EFCAB6: variants seen among roughly 807,000 people sequenced by gnomAD.
EFCAB6 encodes EF-hand calcium-binding domain-containing protein 6.
EFCAB6 carries 156 observed loss-of-function variants against 169.8 expected under a neutral mutation model. The ratio of observed to expected loss-of-function variants is 0.92; its 90% CI spans 0.81 to 1.05. EFCAB6 has a LOEUF of 1.05. Ranked by LOEUF, EFCAB6 falls within the 50% of genes least tolerant of loss-of-function variation. EFCAB6 has a pLI of 0.00. For synonymous variants in EFCAB6, 698 were observed against 676.4 expected (o/e 1.03, Z -0.50); for missense variants, 1,800 against 1,829.1 (o/e 0.98, Z 0.29).
At chr22:43,622,856 G>A (rs1335816969) in intron 20 of EFCAB6, among the ~76,000 whole-genome samples, 7 of 152,098 alleles carry the variant, frequency 4.6e-5, no homozygotes, top group Admixed American at 2.6e-4. Context: ...GTTTTCTTGC[G>A]GCAGTGCCCA....
chr22:43,741,894 T>C (rs1044214839), intron 6 of EFCAB6, among the ~76,000 whole-genome samples: 54 of 152,270 alleles, frequency 3.5e-4, no homozygotes, highest in African/African-American at 1.2e-3. Flanking sequence ...AGGGGAGACC[T>C]GGTCCCTGCT....
intron 1 of EFCAB6, among the ~76,000 whole-genome samples, chr22:43,811,888 C>T (rs1457807505): frequency 6.6e-6 from 1 of 152,154 alleles, no homozygotes; most frequent in Non-Finnish European, 1.5e-5. Flanking sequence ...GGGAAGAAGA[C>T]GTCACCACCG....
At chr22:43,775,687 A>G (rs995948020) in intron 3 of EFCAB6, among the ~76,000 whole-genome samples, 2 of 151,984 alleles carry the variant, frequency 1.3e-5, no homozygotes, top group African/African-American at 4.8e-5. Flanking sequence ...CAGGTGATCC[A>G]CCCGCCTCGG....
intron 20 of EFCAB6, 45 bp downstream of exon 20, chr22:43,626,402 C>A: frequency 6.4e-7 from 1 of 1,572,272 alleles, no homozygotes; most frequent in South Asian, 1.1e-5. Flanking sequence ...CACAGTGGCA[C>A]GGGCCGGCAT....
At chr22:43,791,987 C>A (rs1044737933) in intron 2 of EFCAB6, among the ~76,000 whole-genome samples, 4 of 152,096 alleles carry the variant, frequency 2.6e-5, no homozygotes, top group African/African-American at 9.7e-5. Flanking sequence ...GAGATGGGAT[C>A]CCATGGACAA....
chr22:43,676,896 C>A (rs1162958731), intron 13 of EFCAB6, among the ~76,000 whole-genome samples: 1 of 152,142 alleles, frequency 6.6e-6, no homozygotes. Context: ...TCAGCTAAAC[C>A]ATCTTAAAGC....
Position 43,678,089 on chromosome 22 carries a change from T to C in EFCAB6, c.1326A>G (p.Ser442=), listed in dbSNP as rs777846421. The C allele has an allele frequency of 1.2e-6, 2 of 1,613,974 alleles. No homozygotes were observed. The highest frequency in any genetic ancestry group is 1.7e-6 in the Non-Finnish European group (2 of 1,179,990). ...LNCMAVKLSD[S]EFKELMQMLD... ...GCATTTGCATTAGTTCTTTGAATTC[T>C]GAATCGCTTAGTTTTACAGCCATGC... The change falls in exon 13 of 32, where the codon TCA becomes TCG. Residue 442 remains serine, a synonymous_variant. Transcript: ENST00000262726.
At chr22:43,639,053 G>A (rs184320946) in intron 17 of EFCAB6, among the ~76,000 whole-genome samples, 1 of 149,298 alleles carries the variant, frequency 6.7e-6, no homozygotes, top group African/African-American at 2.5e-5. Context: ...CCAAAGTGCT[G>A]GGGTTGTCCT....
chr22:43,543,902 C>T (rs1268052214), intron 27 of EFCAB6, among the ~76,000 whole-genome samples: 1 of 152,142 alleles, frequency 6.6e-6, no homozygotes, highest in Non-Finnish European at 1.5e-5. Context: ...TCTGGCCTCT[C>T]CTAGTTCTAG....
At chr22:43,544,795 A>C (rs2047949597) in intron 27 of EFCAB6, among the ~76,000 whole-genome samples, 1 of 152,092 alleles carries the variant, frequency 6.6e-6, no homozygotes, top group African/African-American at 2.4e-5. Context: ...CAATACTCAA[A>C]GCAACAAAAT....
chr22:43,554,118 A>T (rs2048550876), intron 27 of EFCAB6: 1 of 152,364 alleles, frequency 6.6e-6, no homozygotes, highest in African/African-American at 2.4e-5. Flanking sequence ...TCTTTGGACC[A>T]TGTGGAGTCC....
chr22:43,665,499 G>A (rs1348641673), intron 17 of EFCAB6, among the ~76,000 whole-genome samples: 2 of 152,202 alleles, frequency 1.3e-5, no homozygotes, highest in Non-Finnish European at 1.5e-5. Context: ...TAAGAATCAA[G>A]AATGCAGAGA....
chr22:43,576,470 T>C lies in EFCAB6; in HGVS notation c.3247A>G (p.Lys1083Glu), dbSNP rs528049706. 7.8e-6 allele frequency: 12 copies of C among 1,544,636 alleles called. No individual in the cohort carries two copies. The highest frequency in any genetic ancestry group is 7.1e-5 in the African/African-American group (5 of 70,830). Residue 1083 changes from lysine (K) to glutamate (E), a missense_variant, in exon 26 of 32, where the codon AAA becomes GAA. Coordinates refer to ENST00000262726, the MANE Select transcript of EFCAB6 (RefSeq NM_022785.4). ...ALSTAFSALD[K>E]EDTGFVKATE... The stretch of plus-strand genomic sequence containing the variant: ...GCCTTTACAAATCCTGTATCCTCTT[T>C]ATCCAATGCAGAAAATGCCTAAAAA...
intron 17 of EFCAB6, among the ~76,000 whole-genome samples, chr22:43,639,074 C>T (rs2055629420): frequency 6.6e-6 from 1 of 152,154 alleles, no homozygotes; most frequent in Admixed American, 6.5e-5. Context: ...GCACCCTGTT[C>T]TGGTATAGTT....
At chr22:43,803,101 T>C (rs1196717902) in intron 2 of EFCAB6, among the ~76,000 whole-genome samples, 1 of 152,206 alleles carries the variant, frequency 6.6e-6, no homozygotes, top group Non-Finnish European at 1.5e-5. Flanking sequence ...TCCTCTTTTC[T>C]CTTTCCACCT....
intron 3 of EFCAB6, among the ~76,000 whole-genome samples, chr22:43,775,138 G>A (rs1459479507): frequency 6.6e-6 from 1 of 152,058 alleles, no homozygotes; most frequent in Non-Finnish European, 1.5e-5. Context: ...CTGATTGGAG[G>A]GGCCAGGTGA....
At chr22:43,794,743 T>G (rs2062436893) in intron 2 of EFCAB6, among the ~76,000 whole-genome samples, 1 of 152,200 alleles carries the variant, frequency 6.6e-6, no homozygotes, top group Non-Finnish European at 1.5e-5. Context: ...CACCAACATT[T>G]GAAGACCAGT....
In EFCAB6 at chr22:43,737,624, CAT is replaced by C. The variant is rs981215821; in HGVS notation, c.508-1633_508-1632del. ...TCACACACATATATTCACACACACA[CAT>C]GCAGATATTCACATGCACACACACC... is the stretch of plus-strand genomic sequence containing the variant. On this transcript the variant is annotated intron_variant, in intron 6 of 31. Coordinates refer to ENST00000262726, the MANE Select transcript of EFCAB6 (RefSeq NM_022785.4). 1.3e-3 allele frequency among the ~76,000 whole-genome samples: 189 copies of C among 150,890 alleles called. 1 individual carries two copies. The highest frequency in any genetic ancestry group is 3.6e-3 in the African/African-American group (148 of 41,020).
chr22:43,595,503 G>C (rs1452431821), intron 23 of EFCAB6, among the ~76,000 whole-genome samples: 1 of 151,884 alleles, frequency 6.6e-6, no homozygotes, highest in Non-Finnish European at 1.5e-5. Flanking sequence ...GCTGACAAAT[G>C]GGAAAACCTA....
Sources: gnomAD v4.1 joint callset for allele counts (sites outside exome capture counted in the v4.1 genomes callset) on GRCh38, gnomAD v4.1.1 for gene constraint, MANE v1.5 for transcripts, NCBI Gene and HGNC (gene_info 2026-07-23, HGNC 2026-07-21) for gene names.